HCN1: variants seen among roughly 807,000 people sequenced by gnomAD.
HCN1 encodes potassium/sodium hyperpolarization-activated cyclic nucleotide-gated channel 1.
HCN1 carries 13 observed loss-of-function variants against 78.9 expected under a neutral mutation model. The observed-to-expected ratio is 0.16, with a 90% CI of 0.11 to 0.26. HCN1 has a LOEUF of 0.26. Ranked by LOEUF, HCN1 falls within the 10% of genes least tolerant of loss-of-function variation. The probability of loss-of-function intolerance (pLI) is 1.00; values close to 1 mark genes in which losing one functional copy is unlikely to be tolerated. For missense variants in HCN1, 810 were observed against 1,154.3 expected (o/e 0.70, Z 4.32); for synonymous variants, 552 against 455.5 (o/e 1.21, Z -2.70).
At chr5:45,459,401 CAA>C (rs34217584) in intron 3 of HCN1, among the ~76,000 whole-genome samples, 23 of 111,542 alleles carry the variant, frequency 2.1e-4, no homozygotes, top group Non-Finnish European at 2.5e-4. Flanking sequence ...AATCTGCAGC[CAA>C]AAAAAAAAAA....
intron 6 of HCN1, among the ~76,000 whole-genome samples, chr5:45,275,307 T>G (rs1460576902): frequency 1.3e-5 from 2 of 151,434 alleles, no homozygotes; most frequent in African/African-American, 4.8e-5. Flanking sequence ...TTACATCAGA[T>G]TAAAAATATT....
At chr5:45,319,881 C>T (rs1746087216) in intron 5 of HCN1, among the ~76,000 whole-genome samples, 1 of 151,772 alleles carries the variant, frequency 6.6e-6, no homozygotes, top group Non-Finnish European at 1.5e-5. Context: ...TTTAAGGTTC[C>T]TTTAGCACTG....
At chr5:45,576,677 G>C (rs766813631) in intron 2 of HCN1, 25 of 152,116 alleles carry the variant, frequency 1.6e-4, no homozygotes, top group Non-Finnish European at 3.5e-4. Context: ...ATTTTGTAGA[G>C]ATACTGCTAT....
intron 4 of HCN1, among the ~76,000 whole-genome samples, chr5:45,373,418 A>G (rs1305638694): frequency 7.5e-6 from 1 of 134,156 alleles, no homozygotes; most frequent in African/African-American, 2.7e-5. Context: ...ATATATTATA[A>G]TATATATCCC....
At chr5:45,346,541 C>T (rs144634082) in intron 5 of HCN1, among the ~76,000 whole-genome samples, 229 of 152,186 alleles carry the variant, frequency 1.5e-3, no homozygotes, top group African/African-American at 5.3e-3. Flanking sequence ...GCACCATGAG[C>T]GAGCTGAAGC....
intron 6 of HCN1, among the ~76,000 whole-genome samples, chr5:45,276,893 G>A (rs926414334): frequency 6.6e-6 from 1 of 152,036 alleles, no homozygotes; most frequent in African/African-American, 2.4e-5. Context: ...AAAAGGAACA[G>A]GAGGGGAGAG....
chr5:45,587,632 G>A (rs1744261271), intron 2 of HCN1, among the ~76,000 whole-genome samples: 1 of 151,872 alleles, frequency 6.6e-6, no homozygotes, highest in African/African-American at 2.4e-5. Flanking sequence ...ACACCAACAT[G>A]GCACATGTAT....
intron 2 of HCN1, among the ~76,000 whole-genome samples, chr5:45,588,117 T>A (rs950695823): frequency 2.0e-5 from 3 of 152,176 alleles, no homozygotes; most frequent in Admixed American, 1.3e-4. Flanking sequence ...TATACCAAGT[T>A]GTTACAGTAT....
At chr5:45,643,166 G>T (rs1426201829) in intron 2 of HCN1, 1 of 152,020 alleles carries the variant, frequency 6.6e-6, no homozygotes, top group Admixed American at 6.6e-5. Flanking sequence ...AGATCTAGGT[G>T]CCTGTAATTA....
intron 6 of HCN1, among the ~76,000 whole-genome samples, chr5:45,269,256 A>C (rs1455457812): frequency 6.6e-6 from 1 of 152,228 alleles, no homozygotes; most frequent in East Asian, 1.9e-4. Context: ...AAATTTACTT[A>C]AAGATATTTG....
intron 2 of HCN1, among the ~76,000 whole-genome samples, chr5:45,556,204 A>AT (rs1458530181): frequency 6.6e-6 from 1 of 151,986 alleles, no homozygotes; most frequent in Non-Finnish European, 1.5e-5. Context: ...ATAAATGGAC[A>AT]AATGAGATCA....
rs1421975269 is a variant in HCN1 at position 45,695,964 on chromosome 5, C to G, written c.130G>C (p.Gly44Arg). The change falls in exon 1 of 8, where the codon GGG becomes CGG. Residue 44 changes from glycine to arginine, a missense_variant. By Grantham distance (125) the Gly-to-Arg change is moderately radical. Transcript: ENST00000303230. ...AAEKRLGTPP[G>R]GGGAGAKEHG... ...TCCTTCGCGCCGGCCCCGCCGCCCC[C>G]CGGCGGGGTGCCCAGGCGCTTCTCG... The G allele has an allele frequency of 2.6e-5, 34 of 1,324,930 alleles. No homozygotes were observed. Among genetic ancestry groups the G allele is most frequent in the Non-Finnish European group, 3.2e-5 (33 of 1,045,268 alleles). 82.1% of individuals were successfully genotyped at this position (1,324,930 alleles called of 1,614,324 possible).
chr5:45,453,444 G>T (rs544987081), intron 3 of HCN1, among the ~76,000 whole-genome samples: 272 of 152,186 alleles, frequency 1.8e-3, no homozygotes, highest in Non-Finnish European at 3.2e-3. Flanking sequence ...TAAAAGGAAA[G>T]ACCCTAAAAC....
At chr5:45,294,522 G>A (rs550586847) in intron 6 of HCN1, among the ~76,000 whole-genome samples, 18 of 152,008 alleles carry the variant, frequency 1.2e-4, no homozygotes, top group Middle Eastern at 6.8e-3. Flanking sequence ...ACACTTTGGC[G>A]TGGAAAGATA....
At chr5:45,339,961 C>A (rs979771424) in intron 5 of HCN1, among the ~76,000 whole-genome samples, 1 of 152,056 alleles carries the variant, frequency 6.6e-6, no homozygotes, top group African/African-American at 2.4e-5. Flanking sequence ...TCTTGTTGCC[C>A]AGGCTGGAGT....
At chr5:45,589,017 T>C (rs747097368) in intron 2 of HCN1, among the ~76,000 whole-genome samples, 5 of 152,198 alleles carry the variant, frequency 3.3e-5, no homozygotes, top group Admixed American at 6.6e-5. Context: ...CTTGTGTGTA[T>C]GTAAAGACAA....
chr5:45,324,400 A>T (rs962532715), intron 5 of HCN1, among the ~76,000 whole-genome samples: 3 of 151,984 alleles, frequency 2.0e-5, no homozygotes, highest in Admixed American at 2.0e-4. Flanking sequence ...CACATGAAAA[A>T]ATGCTCATCA....
Position 45,610,976 on chromosome 5 carries a change from CAATT to C in HCN1, c.849+34205_849+34208del, listed in dbSNP as rs373493157. Among the ~76,000 whole-genome samples, 51 of 151,544 alleles carry C rather than the reference CAATT, an allele frequency of 3.4e-4. No homozygotes were observed. The East Asian group carries it at 9.3e-3, about 28-fold the overall frequency. ...ATAATAAAAAACAACTTGTAAAAGA[CAATT>C]AAGAAATTCAATGAATATTTTGAAT... On this transcript the variant is annotated intron_variant, in intron 2 of 7. Coordinates refer to ENST00000303230, the MANE Select transcript of HCN1 (RefSeq NM_021072.4).
intron 4 of HCN1, among the ~76,000 whole-genome samples, chr5:45,382,235 T>G (rs1482977605): frequency 6.6e-6 from 1 of 152,150 alleles, no homozygotes; most frequent in Non-Finnish European, 1.5e-5. Flanking sequence ...AATTACTTTG[T>G]TTTATCTTGT....
Sources: gnomAD v4.1 joint callset for allele counts (sites outside exome capture counted in the v4.1 genomes callset) on GRCh38, gnomAD v4.1.1 for gene constraint, MANE v1.5 for transcripts, NCBI Gene and HGNC (gene_info 2026-07-23, HGNC 2026-07-21) for gene names.